F7: variants seen among roughly 807,000 people sequenced by gnomAD.
F7 encodes coagulation factor VII.
F7 carries 38 observed loss-of-function variants against 47.5 expected under a neutral mutation model. That is an observed-to-expected ratio of 0.80 (90% CI 0.62 to 1.05). The LOEUF (loss-of-function observed/expected upper bound fraction) is 1.05, where lower values mean the gene tolerates loss of function less well. Among genes scored for constraint, F7 ranks in the 50% least tolerant of loss-of-function variants. The pLI, the probability that F7 is intolerant of heterozygous loss-of-function variation, is 0.00. For synonymous variants in F7, 244 were observed against 258.5 expected, an observed-to-expected ratio of 0.94 and a Z score of 0.54; for missense variants, 575 against 605.4, an observed-to-expected ratio of 0.95 and a Z score of 0.53.
chr13:113,117,751 G>A (rs546149063), intron 7 of F7, among the ~76,000 whole-genome samples, 155 bp downstream of exon 7: 1 of 145,410 alleles, frequency 6.9e-6, no homozygotes, highest in Admixed American at 6.8e-5. Context: ...CTGGGTGGGT[G>A]CCACTCTCCG....
intron 1 of F7, among the ~76,000 whole-genome samples, chr13:113,108,791 T>A (rs868109148): frequency 4.3e-4 from 9 of 20,764 alleles, no homozygotes; most frequent in East Asian, 2.7e-3. Flanking sequence ...GTCCCAGGGG[T>A]GTGGGTGTCC....
intron 6 of F7, 81 bp from the exon 7 acceptor site, chr13:113,117,392 C>A: frequency 2.5e-6 from 4 of 1,595,684 alleles, no homozygotes; most frequent in Middle Eastern, 1.7e-4. Context: ...GCCAGAGGTT[C>A]CTTGGCATGC....
At position 113,113,613 on chromosome 13, in the gene F7, G is replaced by A. The variant is rs2036142840; in HGVS notation, c.226-139G>A. On this transcript the variant is annotated intron_variant, in intron 2 of 7. Transcript: ENST00000346342. This position sits in a 1 kb window ranked among gnomAD's most constrained non-coding sequence, Gnocchi z 4.1. ...AGAAGAAACCTACCTCAGCTCCAGA[G>A]GAAAGTCTGGCTTCCTGAGCCCACC... 10 of 835,742 alleles carry A rather than the reference G, an allele frequency of 1.2e-5. No individual in the cohort carries two copies. Among genetic ancestry groups the A allele is most frequent in the Non-Finnish European group, 8.3e-6 (4 of 482,358 alleles). The allele number at this position is 835,742 out of a possible 1,614,324, so 51.8% of individuals were successfully genotyped here.
chr13:113,111,322 C>G (rs1300383614), intron 2 of F7, among the ~76,000 whole-genome samples: 2 of 152,132 alleles, frequency 1.3e-5, no homozygotes, highest in African/African-American at 4.8e-5. Context: ...CCAGCTCACG[C>G]TCACGGGTCA....
intron 1 of F7, among the ~76,000 whole-genome samples, chr13:113,107,274 G>A (rs532775505): frequency 0.011 from 683 of 63,142 alleles, 17 homozygotes; most frequent in African/African-American, 0.036. Flanking sequence ...GTGTCCCGGG[G>A]GCGTGGGTGT....
In F7 at chr13:113,113,848, T is replaced by A; in HGVS notation, c.252T>A (p.Asp84Glu). Reference sequence around the variant, plus strand: ...TACTGACACCAGCCCACTCCACAGATGGGGACCAGTGTGCCTCAAGTCCAT... The same window carrying A: ...TACTGACACCAGCCCACTCCACAGAAGGGGACCAGTGTGCCTCAAGTCCAT... The part of the protein sequence containing the change: ...RTKLFWISYS[D>E]GDQCASSPCQ... The change falls in exon 4 of 8, where the codon GAT becomes GAA. Residue 84 changes from aspartate to glutamate, a missense_variant and splice_region_variant. Coordinates refer to ENST00000346342, the MANE Select transcript of F7 (RefSeq NM_019616.4). This position sits in a 1 kb window ranked among gnomAD's most constrained non-coding sequence, Gnocchi z 4.1. 6.2e-7 allele frequency: 1 copy of A among 1,614,200 alleles called. No homozygotes were observed. The highest frequency in any genetic ancestry group is 8.5e-7 in the Non-Finnish European group (1 of 1,180,036).
rs3093267 is a variant in F7 at position 113,118,661 on chromosome 13, G to A, written c.988G>A (p.Ala330Thr). Residue 330 changes from alanine (A) to threonine (T), a missense_variant, in exon 8 of 8, where the codon GCC becomes ACC. Ala to Thr is a moderately conservative substitution (Grantham distance 58, BLOSUM62 0). Coordinates refer to ENST00000346342, the MANE Select transcript of F7 (RefSeq NM_019616.4). ...CTGGGGCCAGCTGCTGGACCGTGGC[G>A]CCACGGCCCTGGAGCTCATGGTCCT... is the stretch of plus-strand genomic sequence containing the variant. ...SGWGQLLDRG[A>T]TALELMVLNV... 153 of 1,612,838 alleles carry A rather than the reference G, an allele frequency of 9.5e-5. No homozygotes were observed. The highest frequency in any genetic ancestry group is 1.6e-4 in the African/African-American group (12 of 75,042).
At position 113,120,339 on chromosome 13, in the gene F7, C is replaced by T. The variant is rs1430923991; in HGVS notation, c.*1331C>T. 1.3e-5 allele frequency: 2 copies of T among 152,332 alleles called. No individual in the cohort carries two copies. The highest frequency in any genetic ancestry group is 2.4e-5 in the African/African-American group (1 of 41,438). 9.4% of individuals were successfully genotyped at this position (152,332 alleles called of 1,614,324 possible). A position where few individuals can be genotyped will look rare whatever the true frequency, so the allele number is the denominator to read the frequency against. ...CCCTGGCTGCAGTGGGAGGACCTGG[C>T]AAGCTGCACTCTTGCTGAGTCCCCA... On this transcript the variant is annotated 3_prime_UTR_variant, in exon 8 of 8. Coordinates refer to ENST00000346342, the MANE Select transcript of F7 (RefSeq NM_019616.4).
chr13:113,107,336 C>T (rs796498957), intron 1 of F7, among the ~76,000 whole-genome samples: 6 of 72,972 alleles, frequency 8.2e-5, no homozygotes, highest in African/African-American at 5.9e-5. Context: ...GTGTGGGTGT[C>T]CCGGGGGCGT....
rs1014878469 is a variant in F7, at chr13:113,115,589, T to C, written c.365-71T>C. Reference sequence around the variant, plus strand: ...AGAACACCACTGCTGACCCAGGGCATGGCCACCCCGGGGGCTGGCTCTCGC... The same window carrying C: ...AGAACACCACTGCTGACCCAGGGCACGGCCACCCCGGGGGCTGGCTCTCGC... On this transcript the variant is annotated intron_variant, in intron 4 of 7. Transcript: ENST00000346342. The C allele has an allele frequency of 3.9e-6, 6 of 1,554,560 alleles. No homozygotes were observed. The African/African-American group carries it at 5.4e-5, about 14-fold the overall frequency.
Position 113,119,568 on chromosome 13 carries a change from G to A in F7, c.*560G>A, listed in dbSNP as rs543290081. On this transcript the variant is annotated 3_prime_UTR_variant, in exon 8 of 8. Transcript: ENST00000346342. Reference sequence around the variant, plus strand: ...ACACACCGATGCACACGCACATAGAGATATGCACACACAGATGCACACACA... The same window carrying A: ...ACACACCGATGCACACGCACATAGAAATATGCACACACAGATGCACACACA... The A allele has an allele frequency of 9.7e-5, 17 of 176,002 alleles. No homozygotes were observed. The highest frequency in any genetic ancestry group is 1.7e-4 in the Admixed American group (3 of 17,760). The allele number at this position is 176,002 out of a possible 1,614,324, so 10.9% of individuals were successfully genotyped here. A position where few individuals can be genotyped will look rare whatever the true frequency, so the allele number is the denominator to read the frequency against.
In F7 at chr13:113,113,638, C is replaced by T. The variant is rs913373209; in HGVS notation, c.226-114C>T. The T allele has an allele frequency of 5.9e-5, 66 of 1,110,328 alleles. No homozygotes were observed. Among genetic ancestry groups the T allele is most frequent in the Non-Finnish European group, 8.0e-5 (58 of 726,648 alleles). 68.8% of individuals were successfully genotyped at this position (1,110,328 alleles called of 1,614,324 possible). A position where few individuals can be genotyped will look rare whatever the true frequency, so the allele number is the denominator to read the frequency against. On this transcript the variant is annotated intron_variant, in intron 2 of 7. Coordinates refer to ENST00000346342, the MANE Select transcript of F7 (RefSeq NM_019616.4). This position sits in a 1 kb window ranked among gnomAD's most constrained non-coding sequence, Gnocchi z 4.1. Reference sequence around the variant, plus strand: ...GGAAAGTCTGGCTTCCTGAGCCCACCCCGCCAGACCCAGGTCCAAGTCCCC... The same window carrying T: ...GGAAAGTCTGGCTTCCTGAGCCCACTCCGCCAGACCCAGGTCCAAGTCCCC...
intron 1 of F7, among the ~76,000 whole-genome samples, chr13:113,108,829 G>A (rs1242034052): frequency 1.2e-5 from 1 of 82,136 alleles, no homozygotes; most frequent in Non-Finnish European, 2.6e-5. Context: ...CGGGAGTGTG[G>A]GTGTCCCGGG....
intron 2 of F7, 127 bp downstream of exon 2, chr13:113,110,977 G>A (rs2036081839): frequency 8.8e-7 from 1 of 1,130,076 alleles, no homozygotes; most frequent in Non-Finnish European, 1.2e-6. Flanking sequence ...CGCCCGCGCG[G>A]CGCTTTCTGC....
chr13:113,116,907 C>T, intron 6 of F7, 32 bp downstream of exon 6: 1 of 1,530,838 alleles, frequency 6.5e-7, no homozygotes, highest in Non-Finnish European at 9.1e-7. Flanking sequence ...GGATTCCAAG[C>T]CCTGAGGGTC....
At chr13:113,110,897 C>T (rs756641520) in intron 2 of F7, 47 bp downstream of exon 2, 3 of 1,538,038 alleles carry the variant, frequency 2.0e-6, no homozygotes, top group Non-Finnish European at 2.6e-6. Flanking sequence ...CTGCAGGCGG[C>T]GGTGAACCAG....
At chr13:113,112,339 T>TATTCTCACAGGACACCTC (rs2036117618) in intron 2 of F7, among the ~76,000 whole-genome samples, 1 of 118,748 alleles carries the variant, frequency 8.4e-6, no homozygotes, top group Non-Finnish European at 1.8e-5. Context: ...CAGGTCACCT[T>TATTCTCACAGGACACCTC]ACTCTCACAG....
chr13:113,108,902 T>C (rs867234734), intron 1 of F7, among the ~76,000 whole-genome samples: 26 of 28,446 alleles, frequency 9.1e-4, no homozygotes, highest in Non-Finnish European at 1.2e-3. Context: ...GTGTGGGTGT[T>C]CCGGAGGCGA....
intron 5 of F7, among the ~76,000 whole-genome samples, chr13:113,116,330 G>A (rs1041195761): frequency 1.3e-5 from 2 of 152,160 alleles, no homozygotes; most frequent in African/African-American, 2.4e-5. Flanking sequence ...CCACCTCCTC[G>A]GGCTTCCTTT....
Sources: allele counts gnomAD v4.1 joint callset (sites outside exome capture counted in the v4.1 genomes callset), GRCh38; gene constraint gnomAD v4.1.1; non-coding constraint Gnocchi (gnomAD v3.1); transcripts MANE v1.5; gene names NCBI Gene and HGNC (gene_info 2026-07-23, HGNC 2026-07-21).